The following SHANK2 variants were observed in gnomAD, a reference collection of about 807,000 sequenced individuals.
SHANK2 encodes SH3 and multiple ankyrin repeat domains protein 2.
In SHANK2, 43 loss-of-function variants were observed where a neutral mutation model predicts 133.7. The observed-to-expected ratio is 0.32, with a 90% CI of 0.25 to 0.41. The LOEUF (loss-of-function observed/expected upper bound fraction) is 0.41, where lower values mean the gene tolerates loss of function less well. Among genes scored for constraint, SHANK2 ranks in the 10% least tolerant of loss-of-function variants. SHANK2 has a pLI of 1.00. For synonymous variants in SHANK2, 1,017 were observed against 952.8 expected (o/e 1.07, Z -1.24); for missense variants, 1,994 against 2,235.8 (o/e 0.89, Z 2.18).
intron 10 of SHANK2, among the ~76,000 whole-genome samples, chr11:70,952,551 G>T (rs560640249): frequency 1.3e-5 from 2 of 152,284 alleles, no homozygotes; most frequent in South Asian, 4.1e-4. Context: ...TCTCTGGGTG[G>T]CGATGGAGCT....
intron 14 of SHANK2, among the ~76,000 whole-genome samples, chr11:70,778,630 C>T (rs1027052390): frequency 3.9e-5 from 6 of 152,172 alleles, no homozygotes; most frequent in East Asian, 1.9e-4. Flanking sequence ...AGCGAGAAGG[C>T]GGCCATCTGC....
chr11:70,658,948 G>T (rs1021050010), intron 17 of SHANK2, among the ~76,000 whole-genome samples: 3 of 152,062 alleles, frequency 2.0e-5, no homozygotes, highest in Non-Finnish European at 4.4e-5. Context: ...CAAGAAATGC[G>T]CACTCCCAAC....
intron 17 of SHANK2, among the ~76,000 whole-genome samples, chr11:70,654,772 G>T (rs59066316): frequency 0.016 from 1,919 of 119,504 alleles, 39 homozygotes; most frequent in African/African-American, 0.055. Context: ...TGTTTTTTTT[G>T]TTTTTTTTTT....
Position 70,820,689 on chromosome 11 carries a change from A to T in SHANK2, c.1175-7T>A. 1 of 666,932 alleles carries T rather than the reference A, an allele frequency of 1.5e-6. No individual in the cohort carries two copies. Among genetic ancestry groups the T allele is most frequent in the South Asian group, 1.7e-5 (1 of 60,416 alleles). The allele number at this position is 666,932 out of a possible 1,614,324, so 41.3% of individuals were successfully genotyped here. A position where few individuals can be genotyped will look rare whatever the true frequency, so the allele number is the denominator to read the frequency against. ...GGGGCCTCTCGGAAGGGCACTGGGG[A>T]GAAGGACATGGAGAGAGGCCGGTGA... On this transcript the variant is annotated splice_region_variant and splice_polypyrimidine_tract_variant and intron_variant, in intron 11 of 25. Coordinates refer to ENST00000601538, the MANE Select transcript of SHANK2 (RefSeq NM_012309.5).
At chr11:71,091,345 C>A (rs1412463889) in intron 8 of SHANK2, among the ~76,000 whole-genome samples, 3 of 152,196 alleles carry the variant, frequency 2.0e-5, no homozygotes, top group Non-Finnish European at 4.4e-5. Context: ...CAAGAAAGCC[C>A]AGGGAGGGCG....
chr11:70,900,191 T>C (rs1950003576), intron 10 of SHANK2, among the ~76,000 whole-genome samples: 1 of 151,900 alleles, frequency 6.6e-6, no homozygotes, highest in East Asian at 1.9e-4. Flanking sequence ...CCATCTCTAC[T>C]AAAAATACAA....
intron 10 of SHANK2, among the ~76,000 whole-genome samples, chr11:70,900,595 C>T (rs1950009330): frequency 6.6e-6 from 1 of 152,038 alleles, no homozygotes; most frequent in African/African-American, 2.4e-5. Context: ...AAAGAAAAGC[C>T]CTAGGAGCTT....
chr11:70,602,944 A>C (rs577308205), intron 17 of SHANK2, among the ~76,000 whole-genome samples: 1 of 152,252 alleles, frequency 6.6e-6, no homozygotes, highest in Admixed American at 6.5e-5. Flanking sequence ...AACGAGACAC[A>C]CACACCGGGG....
chr11:70,555,405 C>T (rs2059816491), intron 17 of SHANK2, among the ~76,000 whole-genome samples: 1 of 152,194 alleles, frequency 6.6e-6, no homozygotes, highest in Non-Finnish European at 1.5e-5. Flanking sequence ...TGTGCCAAAG[C>T]TAGCCAAGTT....
At chr11:70,710,854 G>T (rs1248076235) in intron 14 of SHANK2, among the ~76,000 whole-genome samples, 1 of 152,194 alleles carries the variant, frequency 6.6e-6, no homozygotes, top group African/African-American at 2.4e-5. Flanking sequence ...CCTCGGGGTC[G>T]GGGGTGTGAG....
At chr11:71,138,607 A>G (rs539468688) in intron 3 of SHANK2, among the ~76,000 whole-genome samples, 286 of 152,082 alleles carry the variant, frequency 1.9e-3, no homozygotes, top group Non-Finnish European at 2.9e-3. Context: ...ACTTGAGCCC[A>G]GGAGTTCGAA....
At chr11:70,531,657 C>T (rs143088384) in intron 17 of SHANK2, among the ~76,000 whole-genome samples, 228 of 152,294 alleles carry the variant, frequency 1.5e-3, no homozygotes, top group African/African-American at 5.1e-3. Flanking sequence ...TGCGCCTCTG[C>T]GTCCTAGGAG....
At chr11:71,139,152 C>CGTCT (rs1555105319) in intron 3 of SHANK2, among the ~76,000 whole-genome samples, 3 of 152,174 alleles carry the variant, frequency 2.0e-5, no homozygotes, top group Admixed American at 1.3e-4. Context: ...TTTCCCTGAG[C>CGTCT]GTCTGCTGGG....
At chr11:71,124,638 G>C (rs1190071800) in intron 3 of SHANK2, among the ~76,000 whole-genome samples, 1 of 152,070 alleles carries the variant, frequency 6.6e-6, no homozygotes, top group African/African-American at 2.4e-5. Flanking sequence ...CTTCTAGAAA[G>C]CAGTAGAGGT....
In SHANK2 at chr11:71,181,260, C is replaced by T. The variant is rs571576636; in HGVS notation, c.-12-33922G>A. ...AGGTAGCACTTGGATCCCCTCAACACAGCCAGCTCCTCTTTCTCCACTACA... is the reference window on the plus strand; with the variant it reads ...AGGTAGCACTTGGATCCCCTCAACATAGCCAGCTCCTCTTTCTCCACTACA... On this transcript the variant is annotated intron_variant, in intron 2 of 25. Transcript: ENST00000601538. 9.2e-5 allele frequency among the ~76,000 whole-genome samples: 14 copies of T among 152,182 alleles called. No individual in the cohort carries two copies. The East Asian group carries it at 2.7e-3, about 30-fold the overall frequency.
intron 15 of SHANK2, among the ~76,000 whole-genome samples, chr11:70,690,447 TA>T (rs1945255484): frequency 7.0e-6 from 1 of 141,988 alleles, no homozygotes; most frequent in Non-Finnish European, 1.5e-5. Context: ...ATTGGAATAC[TA>T]ACCCCATTTG....
intron 10 of SHANK2, among the ~76,000 whole-genome samples, chr11:70,943,524 G>A (rs530745379): frequency 3.5e-4 from 53 of 152,168 alleles, no homozygotes; most frequent in African/African-American, 1.3e-3. Flanking sequence ...CAGATTTAGG[G>A]CACAGCAAAC....
chr11:71,199,916 C>T (rs1953984973), intron 2 of SHANK2, among the ~76,000 whole-genome samples: 1 of 152,176 alleles, frequency 6.6e-6, no homozygotes, highest in Non-Finnish European at 1.5e-5. Context: ...GCTTCATTTC[C>T]AAATAGATTA....
intron 10 of SHANK2, among the ~76,000 whole-genome samples, chr11:70,955,224 A>G (rs1203472604): frequency 6.6e-6 from 1 of 152,182 alleles, no homozygotes; most frequent in Non-Finnish European, 1.5e-5. Context: ...TGTTGAATAC[A>G]GCCTGGAGAC....
Sources: allele counts gnomAD v4.1 joint callset (sites outside exome capture counted in the v4.1 genomes callset), GRCh38; gene constraint gnomAD v4.1.1; transcripts MANE v1.5; gene names NCBI Gene and HGNC (gene_info 2026-07-23, HGNC 2026-07-21).